The following RALGAPA1 variants were observed in gnomAD, a reference collection of about 807,000 sequenced individuals.
The protein encoded by RALGAPA1 is Ral GTPase activating protein catalytic subunit alpha 1.
A neutral mutation model predicts 269.6 loss-of-function variants in RALGAPA1; 52 were observed. The ratio of observed to expected loss-of-function variants is 0.19; its 90% CI spans 0.15 to 0.24. The LOEUF is 0.24. Among genes scored for constraint, RALGAPA1 ranks in the 10% least tolerant of loss-of-function variants. The pLI is 1.00. For synonymous variants in RALGAPA1, 817 were observed against 1,008.3 expected, an observed-to-expected ratio of 0.81 and a Z score of 3.60; for missense variants, 1,917 against 3,013.9, an observed-to-expected ratio of 0.64 and a Z score of 8.52.
chr14:35,801,246 C>CACAG (rs781226162), intron 1 of RALGAPA1, among the ~76,000 whole-genome samples: 1 of 98,204 alleles, frequency 1.0e-5, no homozygotes, highest in African/African-American at 7.7e-5. Flanking sequence ...TATACACAGA[C>CACAG]ACACACACAC....
intron 35 of RALGAPA1, among the ~76,000 whole-genome samples, chr14:35,624,967 G>T (rs994637560): frequency 1.3e-5 from 2 of 152,018 alleles, no homozygotes; most frequent in Admixed American, 6.5e-5. Flanking sequence ...GAGGCGGGCA[G>T]ATCACAAGGT....
At chr14:35,556,804 A>G (rs960314230) in intron 39 of RALGAPA1, among the ~76,000 whole-genome samples, 6 of 152,194 alleles carry the variant, frequency 3.9e-5, no homozygotes, top group African/African-American at 1.4e-4. Flanking sequence ...AAAATCCATA[A>G]CAGGTGCTAA....
intron 36 of RALGAPA1, among the ~76,000 whole-genome samples, chr14:35,596,001 A>G (rs989325786): frequency 6.6e-6 from 1 of 152,070 alleles, no homozygotes; most frequent in Non-Finnish European, 1.5e-5. Context: ...GTTAACCAGG[A>G]AAGGTATCAA....
intron 36 of RALGAPA1, among the ~76,000 whole-genome samples, chr14:35,599,534 C>T (rs1248621006): frequency 6.6e-6 from 1 of 152,092 alleles, no homozygotes; most frequent in African/African-American, 2.4e-5. Context: ...TGCCTGAGAA[C>T]AGGAGTTTGA....
At chr14:35,763,348 C>T (rs984046399) in intron 4 of RALGAPA1, among the ~76,000 whole-genome samples, 2 of 152,112 alleles carry the variant, frequency 1.3e-5, no homozygotes, top group African/African-American at 4.8e-5. Flanking sequence ...CAATGTTTTA[C>T]TTAACTGTAC....
intron 12 of RALGAPA1, among the ~76,000 whole-genome samples, chr14:35,733,675 A>T (rs2070716747): frequency 1.3e-5 from 2 of 152,182 alleles, no homozygotes; most frequent in Admixed American, 6.5e-5. Flanking sequence ...TAGAGAAACA[A>T]GAACAAACCA....
chr14:35,606,148 G>C (rs962305723), intron 35 of RALGAPA1, among the ~76,000 whole-genome samples: 2 of 152,194 alleles, frequency 1.3e-5, no homozygotes, highest in Non-Finnish European at 1.5e-5. Flanking sequence ...ATCCTTCAAA[G>C]TACTTACGAG....
At chr14:35,623,801 C>T (rs2060801654) in intron 35 of RALGAPA1, among the ~76,000 whole-genome samples, 4 of 152,092 alleles carry the variant, frequency 2.6e-5, no homozygotes, top group South Asian at 2.1e-4. Flanking sequence ...ATTTTTAGGC[C>T]GGGCGCGGTG....
intron 21 of RALGAPA1, among the ~76,000 whole-genome samples, chr14:35,680,430 G>A (rs991066618): frequency 4.6e-5 from 7 of 151,308 alleles, no homozygotes; most frequent in East Asian, 3.9e-4. Context: ...GGCTGGTCTC[G>A]AACTCCTGAC....
At chr14:35,539,725 C>T (rs1228284340) in intron 41 of RALGAPA1, 35 bp from the exon 42 acceptor site, 9 of 1,608,920 alleles carry the variant, frequency 5.6e-6, no homozygotes, top group Middle Eastern at 1.7e-4. Context: ...CTACAGTTAT[C>T]CAGCCTCTCA....
In RALGAPA1 at chr14:35,587,942, C is replaced by G. The variant is rs562643334; in HGVS notation, c.7209+7692G>C. Among the ~76,000 whole-genome samples the G allele has an allele frequency of 2.6e-5, 4 of 152,320 alleles. No homozygotes were observed. The East Asian group carries it at 7.7e-4, about 29-fold the overall frequency. On this transcript the variant is annotated intron_variant, in intron 37 of 41. Coordinates refer to ENST00000680220, the MANE Select transcript of RALGAPA1 (RefSeq NM_001346249.2). The stretch of plus-strand genomic sequence containing the variant: ...TATTTTTTTGAGACAGAGTCTCACT[C>G]TATCACCAGGCTGGAGTGCAGTGGT...
intron 31 of RALGAPA1, among the ~76,000 whole-genome samples, chr14:35,640,226 T>C (rs1439360615): frequency 6.6e-6 from 1 of 151,294 alleles, no homozygotes; most frequent in Non-Finnish European, 1.5e-5. Context: ...ATAAAAATAA[T>C]AAAGATCAGA....
At chr14:35,545,076 G>A (rs1284229155) in intron 41 of RALGAPA1, among the ~76,000 whole-genome samples, 2 of 152,044 alleles carry the variant, frequency 1.3e-5, no homozygotes. Context: ...CAGATTTATA[G>A]CTTATGTTAC....
At chr14:35,588,748 A>G (rs1257390615) in intron 37 of RALGAPA1, among the ~76,000 whole-genome samples, 1 of 152,188 alleles carries the variant, frequency 6.6e-6, no homozygotes, top group East Asian at 1.9e-4. Context: ...CAATCCCCCT[A>G]CTGGGTATAT....
chr14:35,775,807 T>C, intron 1 of RALGAPA1, 62 bp from the exon 2 acceptor site: 3 of 1,396,458 alleles, frequency 2.1e-6, no homozygotes, highest in Non-Finnish European at 2.8e-6. Context: ...TTAGCAAATA[T>C]TCAGCGACAA....
At chr14:35,665,284 C>T (rs1033756207) in intron 26 of RALGAPA1, among the ~76,000 whole-genome samples, 4 of 152,282 alleles carry the variant, frequency 2.6e-5, no homozygotes, top group African/African-American at 4.8e-5. Context: ...TAGAATTTGT[C>T]TGGACTGCCA....
intron 41 of RALGAPA1, among the ~76,000 whole-genome samples, chr14:35,540,648 T>C (rs2053883504): frequency 1.3e-5 from 2 of 152,148 alleles, no homozygotes; most frequent in South Asian, 4.1e-4. Context: ...AAAATAAAAG[T>C]CCTTCAGAAA....
chr14:35,776,633 T>G (rs2075051055), intron 1 of RALGAPA1, among the ~76,000 whole-genome samples: 1 of 152,074 alleles, frequency 6.6e-6, no homozygotes, highest in South Asian at 2.1e-4. Flanking sequence ...ACAAGAGTAC[T>G]TTCAAAGCTC....
intron 1 of RALGAPA1, among the ~76,000 whole-genome samples, chr14:35,787,601 C>T (rs757652424): frequency 6.6e-6 from 1 of 151,996 alleles, no homozygotes; most frequent in African/African-American, 2.4e-5. Context: ...TAACACATAG[C>T]TTAAATAATT....
Sources: allele counts gnomAD v4.1 joint callset (sites outside exome capture counted in the v4.1 genomes callset), GRCh38; gene constraint gnomAD v4.1.1; transcripts MANE v1.5; gene names NCBI Gene and HGNC (gene_info 2026-07-23, HGNC 2026-07-21).